Variants in ZFHX3 observed in about 807,000 individuals in gnomAD.
The protein encoded by ZFHX3 is zinc finger homeobox 3, also known as zinc finger homeobox protein 3.
ZFHX3 carries 42 observed loss-of-function variants against 279.1 expected under a neutral mutation model. The ratio of observed to expected loss-of-function variants is 0.15; its 90% confidence interval spans 0.12 to 0.19. ZFHX3 has a LOEUF of 0.19. ZFHX3 is among the 10% of genes least tolerant of loss of function. The pLI, the probability that ZFHX3 is intolerant of heterozygous loss-of-function variation, is 1.00. For synonymous variants in ZFHX3, 2,293 were observed against 1,957.8 expected, an observed-to-expected ratio of 1.17 and a Z score of -4.52; for missense variants, 4,981 against 4,754.0, an observed-to-expected ratio of 1.05 and a Z score of -1.40.
rs1313866074 is a variant in ZFHX3, at chr16:72,853,991, G to C, written c.3449-24132C>G. Among the ~76,000 whole-genome samples the C allele has an allele frequency of 3.3e-5, 5 of 152,016 alleles. No homozygotes were observed. The East Asian group carries it at 7.7e-4, about 23-fold the overall frequency. The stretch of plus-strand genomic sequence containing the variant: ...AAAAGAAAAGAAAAGAAAAAGCTTT[G>C]TGCATCTTTGCAAAACAAAGCACTA... On this transcript the variant is annotated intron_variant, in intron 4 of 9. Transcript: ENST00000268489.
intron 5 of ZFHX3, among the ~76,000 whole-genome samples, chr16:73,163,870 G>C (rs1967299560): frequency 6.6e-6 from 1 of 152,148 alleles, no homozygotes; most frequent in South Asian, 2.1e-4. Flanking sequence ...TTATTTAACT[G>C]AAGCTGTATG....
At chr16:72,948,100 T>C (rs556293179) in intron 3 of ZFHX3, among the ~76,000 whole-genome samples, 1 of 152,232 alleles carries the variant, frequency 6.6e-6, no homozygotes, top group East Asian at 1.9e-4. Context: ...ATCCCAGCGG[T>C]GTCATCCAGG....
chr16:73,745,269 A>G (rs2053693644), intron 1 of ZFHX3, among the ~76,000 whole-genome samples: 1 of 152,208 alleles, frequency 6.6e-6, no homozygotes, highest in Non-Finnish European at 1.5e-5. Flanking sequence ...TTGTTTCATA[A>G]TATGTTGACT....
At chr16:72,960,657 G>C (rs1009890901) in intron 1 of ZFHX3, among the ~76,000 whole-genome samples, 3 of 152,192 alleles carry the variant, frequency 2.0e-5, no homozygotes, top group African/African-American at 7.2e-5. Flanking sequence ...GAACACAGGG[G>C]AGGGCTGAGA....
At chr16:73,496,277 T>A (rs1481396834) in intron 2 of ZFHX3, among the ~76,000 whole-genome samples, 2 of 152,234 alleles carry the variant, frequency 1.3e-5, no homozygotes, top group Non-Finnish European at 2.9e-5. Flanking sequence ...ACGCCTGTAA[T>A]CCCAGTACTT....
At chr16:73,389,777 C>T (rs879295834) in intron 3 of ZFHX3, among the ~76,000 whole-genome samples, 3 of 152,204 alleles carry the variant, frequency 2.0e-5, no homozygotes, top group South Asian at 2.1e-4. Flanking sequence ...TTTGAAAAAT[C>T]GGCCAGGCAT....
chr16:73,791,781 G>A (rs1389774486), intron 1 of ZFHX3, among the ~76,000 whole-genome samples: 2 of 152,160 alleles, frequency 1.3e-5, no homozygotes, highest in African/African-American at 2.4e-5. Flanking sequence ...TCTGGGAACC[G>A]CACTTGCAAA....
intron 1 of ZFHX3, among the ~76,000 whole-genome samples, chr16:72,968,335 T>G (rs1399110397): frequency 6.6e-6 from 1 of 152,176 alleles, no homozygotes; most frequent in Non-Finnish European, 1.5e-5. Flanking sequence ...TAAGGAGACA[T>G]GACTAATGAA....
At chr16:73,363,793 CG>C (rs1434582404) in intron 3 of ZFHX3, among the ~76,000 whole-genome samples, 2 of 152,096 alleles carry the variant, frequency 1.3e-5, no homozygotes, top group Non-Finnish European at 2.9e-5. Flanking sequence ...ATAAGGAAGA[CG>C]GATAGCATCC....
At chr16:73,364,417 T>C (rs111356879) in intron 3 of ZFHX3, among the ~76,000 whole-genome samples, 15 of 151,622 alleles carry the variant, frequency 9.9e-5, no homozygotes, top group African/African-American at 3.6e-4. Context: ...AATATATTAG[T>C]AGGTATACAT....
chr16:73,430,189 C>A (rs1013528455), intron 3 of ZFHX3, among the ~76,000 whole-genome samples: 1 of 152,100 alleles, frequency 6.6e-6, no homozygotes, highest in African/African-American at 2.4e-5. Flanking sequence ...CCTGCTGGCT[C>A]TCCTCCACTC....
chr16:73,800,908 T>C (rs561087388), intron 1 of ZFHX3, among the ~76,000 whole-genome samples: 1 of 152,264 alleles, frequency 6.6e-6, no homozygotes, highest in Admixed American at 6.5e-5. Context: ...ACTGACTCTG[T>C]AAAAGGCCCA....
chr16:72,810,030 C>G (rs2036394356), intron 7 of ZFHX3, among the ~76,000 whole-genome samples: 1 of 151,718 alleles, frequency 6.6e-6, no homozygotes, highest in African/African-American at 2.4e-5. Context: ...AGGCGCCTGC[C>G]ACCACGCCCG....
intron 2 of ZFHX3, among the ~76,000 whole-genome samples, chr16:73,601,501 A>G (rs1444136537): frequency 6.6e-6 from 1 of 151,384 alleles, no homozygotes; most frequent in Non-Finnish European, 1.5e-5. Context: ...TTGGCGCTCT[A>G]TTTTAACTCA....
intron 1 of ZFHX3, among the ~76,000 whole-genome samples, chr16:73,033,531 G>C (rs117458916): frequency 6.6e-6 from 1 of 150,868 alleles, no homozygotes; most frequent in East Asian, 2.1e-4. Flanking sequence ...GGGCAGGCGG[G>C]GGGTGGGGGG....
At chr16:73,622,487 G>C (rs1038928300) in intron 2 of ZFHX3, among the ~76,000 whole-genome samples, 2 of 152,120 alleles carry the variant, frequency 1.3e-5, no homozygotes, top group African/African-American at 4.8e-5. Flanking sequence ...GTGTGAACCG[G>C]GGAGGTGGAG....
chr16:73,036,708 C>G (rs1030701279), intron 1 of ZFHX3, among the ~76,000 whole-genome samples: 40 of 150,426 alleles, frequency 2.7e-4, no homozygotes, highest in Non-Finnish European at 7.5e-5. Flanking sequence ...TCCCCTCGGT[C>G]GGTCGCTAGG....
At chr16:73,850,362 T>C (rs534645081) in intron 1 of ZFHX3, among the ~76,000 whole-genome samples, 4 of 152,258 alleles carry the variant, frequency 2.6e-5, no homozygotes, top group African/African-American at 9.6e-5. Flanking sequence ...CTTAATACAA[T>C]GGTCATTATT....
At chr16:73,774,536 A>G (rs1597109198) in intron 1 of ZFHX3, among the ~76,000 whole-genome samples, 2 of 152,096 alleles carry the variant, frequency 1.3e-5, no homozygotes, top group Admixed American at 1.3e-4. Flanking sequence ...CAATCTTTAT[A>G]CCACTGTATC....
Sources: allele counts gnomAD v4.1 joint callset (sites outside exome capture counted in the v4.1 genomes callset), GRCh38; gene constraint gnomAD v4.1.1; transcripts MANE v1.5; gene names NCBI Gene and HGNC (gene_info 2026-07-23, HGNC 2026-07-21).